SMIM14: variants seen among roughly 807,000 people sequenced by gnomAD.
The protein encoded by SMIM14 is small integral membrane protein 14, also known as chromosome 4 open reading frame 34.
SMIM14 carries 5 observed loss-of-function variants against 12.6 expected under a neutral mutation model. The ratio of observed to expected loss-of-function variants is 0.40; its 90% CI spans 0.21 to 0.83. The LOEUF is 0.83. Ranked by LOEUF, SMIM14 falls within the 40% of genes least tolerant of loss-of-function variation. The probability of loss-of-function intolerance (pLI) is 0.37; values close to 1 mark genes in which losing one functional copy is unlikely to be tolerated. For synonymous variants in SMIM14, 30 were observed against 40.1 expected, an observed-to-expected ratio of 0.75 and a Z score of 0.95; for missense variants, 86 against 119.1, an observed-to-expected ratio of 0.72 and a Z score of 1.29.
rs1456372590 is a variant in SMIM14 at position 39,558,898 on chromosome 4, T to C, written c.125-2328A>G. Reference sequence around the variant, plus strand: ...TAACTTTTTGTATCTTTAGTAGAGATGGGGTTTCACCATGTTGGCCAGGCT... The same window carrying C: ...TAACTTTTTGTATCTTTAGTAGAGACGGGGTTTCACCATGTTGGCCAGGCT... On this transcript the variant is annotated intron_variant, in intron 3 of 4. Coordinates refer to ENST00000295958, the MANE Select transcript of SMIM14 (RefSeq NM_174921.3). The surrounding 1 kb of genome is among the most constrained non-coding windows in gnomAD (Gnocchi z 4.3). Among the ~76,000 whole-genome samples, 1 of 152,082 alleles carries C rather than the reference T, an allele frequency of 6.6e-6. No individual in the cohort carries two copies. Among genetic ancestry groups the C allele is most frequent in the African/African-American group, 2.4e-5 (1 of 41,418 alleles).
chr4:39,550,889 C>T lies in SMIM14; in HGVS notation c.*1237G>A, dbSNP rs1166742701. On this transcript the variant is annotated 3_prime_UTR_variant, in exon 5 of 5. Coordinates refer to ENST00000295958, the MANE Select transcript of SMIM14 (RefSeq NM_174921.3). ...TTCAAATATCAGTAACCTAACAGGC[C>T]CTAATACAGCTTTAAGATTTTCTTC... The T allele has an allele frequency of 1.3e-5, 2 of 151,586 alleles. No individual in the cohort carries two copies. The highest frequency in any genetic ancestry group is 1.3e-4 in the Admixed American group (2 of 15,170). 9.4% of individuals were successfully genotyped at this position (151,586 alleles called of 1,614,324 possible). A position where few individuals can be genotyped will look rare whatever the true frequency, so the allele number is the denominator to read the frequency against.
At chr4:39,572,049 C>T (rs907453940) in intron 3 of SMIM14, among the ~76,000 whole-genome samples, 2 of 151,960 alleles carry the variant, frequency 1.3e-5, no homozygotes, top group Non-Finnish European at 2.9e-5. Context: ...AACGATCCAC[C>T]GGCCTCAGCT....
At chr4:39,619,590 AAATAT>A (rs1715371651) in intron 1 of SMIM14, among the ~76,000 whole-genome samples, 1 of 88,094 alleles carries the variant, frequency 1.1e-5, no homozygotes, top group African/African-American at 4.7e-5. Flanking sequence ...ATATATCAAT[AAATAT>A]AATTTATTCT....
intron 1 of SMIM14, among the ~76,000 whole-genome samples, chr4:39,622,919 T>C (rs1715559224): frequency 6.6e-6 from 1 of 152,130 alleles, no homozygotes; most frequent in Non-Finnish European, 1.5e-5. Context: ...CTCAGTTTCT[T>C]CAACAAATAA....
intron 1 of SMIM14, among the ~76,000 whole-genome samples, chr4:39,632,775 TCACACA>T (rs369057968): frequency 0.14 from 16,030 of 114,890 alleles, 1,264 homozygotes; most frequent in African/African-American, 0.2. Flanking sequence ...GAGACTCCCG[TCACACA>T]CACACACACA....
chr4:39,609,218 G>A (rs1714931563), intron 1 of SMIM14, among the ~76,000 whole-genome samples: 4 of 152,000 alleles, frequency 2.6e-5, no homozygotes, highest in South Asian at 2.1e-4. Flanking sequence ...CTGACCTAGC[G>A]ATCCGCCCGC....
intron 2 of SMIM14, among the ~76,000 whole-genome samples, chr4:39,578,654 C>A (rs1405057292): frequency 2.0e-5 from 3 of 152,124 alleles, no homozygotes; most frequent in Non-Finnish European, 4.4e-5. Flanking sequence ...ATCTCCCCAT[C>A]TAAACAAGGA....
intron 2 of SMIM14, among the ~76,000 whole-genome samples, chr4:39,590,035 AAAAAAAAAAAG>A (rs1713984324): frequency 6.6e-6 from 1 of 151,306 alleles, no homozygotes; most frequent in Non-Finnish European, 1.5e-5. Flanking sequence ...AAAAAAAAAA[AAAAAAAAAAAG>A]AATACTAAAG....
chr4:39,572,171 T>A (rs966368537), intron 3 of SMIM14, among the ~76,000 whole-genome samples: 1 of 151,804 alleles, frequency 6.6e-6, no homozygotes, highest in Non-Finnish European at 1.5e-5. Flanking sequence ...ATGAAAAAAA[T>A]TTTAAGTTAA....
chr4:39,576,660 G>GTGTATATATATA lies in SMIM14; in HGVS notation c.76-4198_76-4197insTATATATATACA, dbSNP rs1339477098. Among the ~76,000 whole-genome samples the GTGTATATATATA allele has an allele frequency of 2.1e-4, 15 of 72,376 alleles. 1 individual carries two copies. Among genetic ancestry groups the GTGTATATATATA allele is most frequent in the South Asian group, 1.3e-3 (2 of 1,572 alleles). 47.5% of individuals were successfully genotyped at this position (72,376 alleles called of 152,430 possible). ...CTTATACCTATGTGTGTGTGTATGT[G>GTGTATATATATA]TATATATATATATATATATATATAT... On this transcript the variant is annotated intron_variant, in intron 2 of 4. Transcript: ENST00000295958.
chr4:39,611,489 G>A (rs1239393619), intron 1 of SMIM14, among the ~76,000 whole-genome samples: 3 of 148,138 alleles, frequency 2.0e-5, no homozygotes, highest in Non-Finnish European at 3.0e-5. Flanking sequence ...CTGAGCAACC[G>A]AGCAAGACTC....
chr4:39,604,975 A>G, intron 2 of SMIM14, 96 bp downstream of exon 2: 1 of 764,448 alleles, frequency 1.3e-6, no homozygotes, highest in Non-Finnish European at 2.2e-6. Context: ...TTTAGTGACC[A>G]TCAGATGAAA....
At chr4:39,601,388 T>C (rs1714606777) in intron 2 of SMIM14, among the ~76,000 whole-genome samples, 1 of 152,198 alleles carries the variant, frequency 6.6e-6, no homozygotes, top group Admixed American at 6.5e-5. Flanking sequence ...ACTTGAAATT[T>C]TACTCTATTA....
rs1208556561 is a variant in SMIM14 at position 39,546,586 on chromosome 4, CTTATT to C, written c.*5535_*5539del. The C allele has an allele frequency of 6.6e-6, 1 of 152,204 alleles. No individual in the cohort carries two copies. The highest frequency in any genetic ancestry group is 1.5e-5 in the Non-Finnish European group (1 of 68,032). 9.4% of individuals were successfully genotyped at this position (152,204 alleles called of 1,614,324 possible). On this transcript the variant is annotated 3_prime_UTR_variant, in exon 5 of 5. Transcript: ENST00000295958. ...CAGGTGAAATGCCAAGACCAAAAAA[CTTATT>C]TTATTTGAATTCCATTTTCTGAGAA...
At position 39,558,117 on chromosome 4, in the gene SMIM14, C is replaced by G. The variant is rs375118335; in HGVS notation, c.125-1547G>C. ...CAAGTGCCTAGCACAGTGCCTGACCCATGATATGAGGTTAACAAATTTCTA... is the reference window on the plus strand; with the variant it reads ...CAAGTGCCTAGCACAGTGCCTGACCGATGATATGAGGTTAACAAATTTCTA... On this transcript the variant is annotated intron_variant, in intron 3 of 4. Transcript: ENST00000295958. The surrounding 1 kb of genome is among the most constrained non-coding windows in gnomAD (Gnocchi z 4.3). 6.6e-6 allele frequency among the ~76,000 whole-genome samples: 1 copy of G among 152,246 alleles called. No individual in the cohort carries two copies. The highest frequency in any genetic ancestry group is 1.9e-4 in the East Asian group (1 of 5,192).
At chr4:39,625,561 C>G (rs1395169911) in intron 1 of SMIM14, among the ~76,000 whole-genome samples, 1 of 152,046 alleles carries the variant, frequency 6.6e-6, no homozygotes, top group Non-Finnish European at 1.5e-5. Flanking sequence ...CTGCCTTAAT[C>G]TCTCGAGTAA....
intron 1 of SMIM14, among the ~76,000 whole-genome samples, chr4:39,636,777 A>T (rs1716108292): frequency 6.6e-6 from 1 of 152,190 alleles, no homozygotes; most frequent in Non-Finnish European, 1.5e-5. Context: ...TTTTTCCTAT[A>T]CACACCTACG....
intron 1 of SMIM14, among the ~76,000 whole-genome samples, chr4:39,617,030 T>C (rs952487299): frequency 2.6e-5 from 4 of 152,212 alleles, no homozygotes; most frequent in Admixed American, 2.6e-4. Context: ...GATGATCAGA[T>C]ACTGATTTTT....
At chr4:39,571,423 C>G (rs1712879741) in intron 3 of SMIM14, among the ~76,000 whole-genome samples, 1 of 151,900 alleles carries the variant, frequency 6.6e-6, no homozygotes, top group South Asian at 2.1e-4. Context: ...ACAAAAAATT[C>G]TAAAAAATTA....
Sources: gnomAD v4.1 joint callset for allele counts (sites outside exome capture counted in the v4.1 genomes callset) on GRCh38, gnomAD v4.1.1 for gene constraint, Gnocchi (gnomAD v3.1) non-coding constraint, MANE v1.5 for transcripts, NCBI Gene and HGNC (gene_info 2026-07-23, HGNC 2026-07-21) for gene names.